The following KCND2 variants were observed in gnomAD, a reference collection of about 807,000 sequenced individuals.
KCND2 encodes A-type voltage-gated potassium channel KCND2.
KCND2 carries 16 observed loss-of-function variants against 54.4 expected under a neutral mutation model. The observed-to-expected ratio is 0.29, with a 90% CI of 0.20 to 0.45. The LOEUF (loss-of-function observed/expected upper bound fraction) is 0.45, where lower values mean the gene tolerates loss of function less well. Among genes scored for constraint, KCND2 ranks in the 20% least tolerant of loss-of-function variants. The probability of loss-of-function intolerance (pLI) is 1.00; values close to 1 mark genes in which losing one functional copy is unlikely to be tolerated. For missense variants in KCND2, 486 were observed against 824.2 expected (o/e 0.59, Z 5.02); for synonymous variants, 317 against 310.7 (o/e 1.02, Z -0.21).
At chr7:120,604,248 T>C (rs546619524) in intron 1 of KCND2, among the ~76,000 whole-genome samples, 1 of 150,800 alleles carries the variant, frequency 6.6e-6, no homozygotes, top group South Asian at 2.1e-4. Context: ...ACGCCTGTAA[T>C]CCTAGCACTT....
At chr7:120,336,763 A>G (rs1175876136) in intron 1 of KCND2, among the ~76,000 whole-genome samples, 2 of 152,156 alleles carry the variant, frequency 1.3e-5, no homozygotes, top group East Asian at 1.9e-4. Flanking sequence ...GGGTGCATAC[A>G]TATCAGCTAG....
intron 1 of KCND2, among the ~76,000 whole-genome samples, chr7:120,502,920 A>G (rs1036584203): frequency 2.0e-5 from 3 of 152,056 alleles, no homozygotes; most frequent in African/African-American, 7.2e-5. Flanking sequence ...CCAGGAAATA[A>G]TCTCTGCATA....
chr7:120,337,271 A>G (rs1800165262), intron 1 of KCND2, among the ~76,000 whole-genome samples: 1 of 152,126 alleles, frequency 6.6e-6, no homozygotes, highest in Non-Finnish European at 1.5e-5. Flanking sequence ...TAACACATTC[A>G]GTATATTGTG....
At chr7:120,523,292 T>C (rs1176692164) in intron 1 of KCND2, among the ~76,000 whole-genome samples, 1 of 152,014 alleles carries the variant, frequency 6.6e-6, no homozygotes, top group African/African-American at 2.4e-5. Flanking sequence ...TATGCAAAAA[T>C]ACATGGAAAC....
At chr7:120,493,370 T>C (rs1419022429) in intron 1 of KCND2, among the ~76,000 whole-genome samples, 2 of 151,936 alleles carry the variant, frequency 1.3e-5, no homozygotes, top group African/African-American at 4.8e-5. Context: ...CTGCAAAATA[T>C]AGAGCTGTAT....
intron 1 of KCND2, among the ~76,000 whole-genome samples, chr7:120,501,268 T>G (rs1802928045): frequency 6.6e-6 from 1 of 152,132 alleles, no homozygotes; most frequent in Non-Finnish European, 1.5e-5. Flanking sequence ...GATTACTGTG[T>G]AAAACAGAAC....
At chr7:120,498,939 T>A (rs796590705) in intron 1 of KCND2, among the ~76,000 whole-genome samples, 18 of 152,292 alleles carry the variant, frequency 1.2e-4, no homozygotes, top group African/African-American at 4.3e-4. Context: ...CACTAGATAC[T>A]ATTTTCAGCA....
At chr7:120,638,859 C>T (rs1395748276) in intron 1 of KCND2, among the ~76,000 whole-genome samples, 1 of 151,984 alleles carries the variant, frequency 6.6e-6, no homozygotes, top group Admixed American at 6.6e-5. Flanking sequence ...TAAAGTTACA[C>T]CTATTGTTGA....
intron 1 of KCND2, among the ~76,000 whole-genome samples, chr7:120,706,189 A>G (rs552322554): frequency 6.1e-4 from 93 of 152,324 alleles, no homozygotes; most frequent in Non-Finnish European, 1.1e-3. Flanking sequence ...AATAAGGTAT[A>G]TAGACTTGGA....
At chr7:120,716,554 GC>G (rs1370274826) in intron 1 of KCND2, among the ~76,000 whole-genome samples, 1 of 152,038 alleles carries the variant, frequency 6.6e-6, no homozygotes, top group African/African-American at 2.4e-5. Context: ...TTTCACTCTT[GC>G]TAGACAAACA....
intron 1 of KCND2, among the ~76,000 whole-genome samples, chr7:120,569,072 A>G (rs1792332390): frequency 6.6e-6 from 1 of 152,132 alleles, no homozygotes. Context: ...GGACATAGTT[A>G]TGATTTCAAA....
In KCND2 at chr7:120,629,638, G is replaced by T. The variant is rs1378659160; in HGVS notation, c.1116-103265G>T. On this transcript the variant is annotated intron_variant, in intron 1 of 5. Coordinates refer to ENST00000331113, the MANE Select transcript of KCND2 (RefSeq NM_012281.3). The stretch of plus-strand genomic sequence containing the variant: ...ATTGCTCTTCCTATTGAACGATGGG[G>T]TCAAGGTGGACGCTGCAAGTTAGAT... Among the ~76,000 whole-genome samples, 4 of 152,192 alleles carry T rather than the reference G, an allele frequency of 2.6e-5. No homozygotes were observed. The East Asian group carries it at 7.7e-4, about 29-fold the overall frequency.
intron 1 of KCND2, among the ~76,000 whole-genome samples, chr7:120,304,525 C>T (rs12706276): frequency 0.67 from 102,488 of 152,070 alleles, 38,696 homozygotes; most frequent in South Asian, 0.91. Context: ...CTAACATGCC[C>T]CACACCAGAT....
At chr7:120,299,468 C>G (rs1182576243) in intron 1 of KCND2, among the ~76,000 whole-genome samples, 1 of 152,114 alleles carries the variant, frequency 6.6e-6, no homozygotes, top group South Asian at 2.1e-4. Context: ...AATAGTCGCT[C>G]ATTTCCAAGC....
At chr7:120,597,379 AT>A (rs1461661925) in intron 1 of KCND2, among the ~76,000 whole-genome samples, 1 of 152,202 alleles carries the variant, frequency 6.6e-6, no homozygotes, top group Admixed American at 6.5e-5. Context: ...AATGGGTTTA[AT>A]TTTTTATATG....
intron 1 of KCND2, among the ~76,000 whole-genome samples, chr7:120,619,124 G>A (rs1359337712): frequency 6.6e-6 from 1 of 152,172 alleles, no homozygotes; most frequent in Non-Finnish European, 1.5e-5. Flanking sequence ...TTGAATGACT[G>A]AATGAAGAAT....
Position 120,741,604 on chromosome 7 carries a change from A to C in KCND2, c.1349A>C (p.Asn450Thr). Residue 450 changes from asparagine (N) to threonine (T), a missense_variant, in exon 3 of 6, where the codon AAT (asparagine) becomes ACT (threonine). Physicochemically the swap from Asn to Thr is moderately conservative, Grantham distance 65 (BLOSUM62 0). Around this residue, in one of 7 missense-constraint regions of KCND2, gnomAD observed 202 missense variants for 252.7 expected, o/e 0.80. Transcript: ENST00000331113. ...AATGCTTACATGCAGAGCAAACGGA[A>C]TGGTTTACTCAGTAATCAGCTGCAG... ...SANAYMQSKR[N>T]GLLSNQLQSS... 1 of 1,612,492 alleles carries C rather than the reference A, an allele frequency of 6.2e-7. No individual in the cohort carries two copies. The highest frequency in any genetic ancestry group is 8.5e-7 in the Non-Finnish European group (1 of 1,178,726).
At chr7:120,518,596 G>T (rs565777147) in intron 1 of KCND2, among the ~76,000 whole-genome samples, 2 of 152,200 alleles carry the variant, frequency 1.3e-5, no homozygotes, top group South Asian at 4.1e-4. Context: ...TTATAAACAC[G>T]TTGATATGAA....
intron 1 of KCND2, among the ~76,000 whole-genome samples, chr7:120,537,938 T>C (rs555981000): frequency 5.3e-5 from 8 of 152,328 alleles, no homozygotes; most frequent in Non-Finnish European, 1.2e-4. Flanking sequence ...TTATCATTCA[T>C]GAGTTCACCA....
Sources: gnomAD v4.1 joint callset for allele counts (sites outside exome capture counted in the v4.1 genomes callset) on GRCh38, gnomAD v4.1.1 for gene constraint, gnomAD v4.1.1 regional missense constraint, MANE v1.5 for transcripts, NCBI Gene and HGNC (gene_info 2026-07-23, HGNC 2026-07-21) for gene names.